IL22RA2: variants seen among roughly 807,000 people sequenced by gnomAD.
IL22RA2 encodes interleukin-22 receptor subunit alpha-2.
Under a neutral mutation model 30.7 loss-of-function variants are expected in IL22RA2, and 39 were observed. The observed-to-expected ratio is 1.27, with a 90% CI of 0.98 to 1.66. The LOEUF (loss-of-function observed/expected upper bound fraction) is 1.66. Ranked by LOEUF, IL22RA2 falls within the 40% of genes most tolerant of loss-of-function variation. The pLI is 0.00. For synonymous variants in IL22RA2, 103 were observed against 105.0 expected (o/e 0.98, Z 0.11); for missense variants, 315 against 312.7 (o/e 1.01, Z -0.05).
At chr6:137,156,937 T>C (rs180706843) in intron 3 of IL22RA2, 83 bp from the exon 4 acceptor site, 15 of 1,545,792 alleles carry the variant, frequency 9.7e-6, no homozygotes, top group East Asian at 2.3e-5. Context: ...ACCACTCTCA[T>C]AGAAACATTT....
At chr6:137,149,811 C>A (rs1405695144) in intron 5 of IL22RA2, among the ~76,000 whole-genome samples, 1 of 152,212 alleles carries the variant, frequency 6.6e-6, no homozygotes, top group Non-Finnish European at 1.5e-5. Context: ...CCTGCATGCT[C>A]TTCTTCAATA....
chr6:137,152,286 A>G (rs1382733336), intron 5 of IL22RA2, among the ~76,000 whole-genome samples: 3 of 152,194 alleles, frequency 2.0e-5, no homozygotes, highest in Non-Finnish European at 4.4e-5. Flanking sequence ...TTATAGTAGC[A>G]TTATTCATAA....
chr6:137,151,333 G>A (rs1778287481), intron 5 of IL22RA2, among the ~76,000 whole-genome samples: 1 of 152,126 alleles, frequency 6.6e-6, no homozygotes, highest in African/African-American at 2.4e-5. Flanking sequence ...TTCAACAAAT[G>A]GTGCTGGGAC....
At position 137,161,832 on chromosome 6, in the gene IL22RA2, AG is replaced by A; in HGVS notation, c.-65-19del. The A allele has an allele frequency of 9.6e-7, 1 of 1,039,124 alleles. No homozygotes were observed. The highest frequency in any genetic ancestry group is 1.5e-6 in the Non-Finnish European group (1 of 676,392). 64.4% of individuals were successfully genotyped at this position (1,039,124 alleles called of 1,614,324 possible). On this transcript the variant is annotated intron_variant, in intron 1 of 6. Transcript: ENST00000296980. Reference sequence around the variant, plus strand: ...AGAGGAAACTGTAAAATCCACAAACAGACAATCACTCCCGGGTTTAAGGCAG... The same window carrying A: ...AGAGGAAACTGTAAAATCCACAAACAACAATCACTCCCGGGTTTAAGGCAG...
chr6:137,152,646 C>T (rs1778313390), intron 5 of IL22RA2, among the ~76,000 whole-genome samples: 1 of 152,096 alleles, frequency 6.6e-6, no homozygotes, highest in African/African-American at 2.4e-5. Context: ...GATGGTTGTA[C>T]ATATTTGTGA....
Position 137,151,247 on chromosome 6 carries a change from G to A in IL22RA2, c.473-3356C>T, listed in dbSNP as rs28385778. Among the ~76,000 whole-genome samples the A allele has an allele frequency of 8.3e-3, 1,264 of 152,324 alleles. 30 individuals are homozygous for A. The highest frequency in any genetic ancestry group is 0.029 in the African/African-American group (1,196 of 41,570). On this transcript the variant is annotated intron_variant, in intron 5 of 6. Transcript: ENST00000296980. ...GTATAGCTCAATAGAATAGAATTGAGAGTCTGGAAATAAACTACACGTCTA... is the reference window on the plus strand; with the variant it reads ...GTATAGCTCAATAGAATAGAATTGAAAGTCTGGAAATAAACTACACGTCTA...
At chr6:137,158,201 G>T in intron 3 of IL22RA2, 146 bp downstream of exon 3, 1 of 891,236 alleles carries the variant, frequency 1.1e-6, no homozygotes, top group Non-Finnish European at 1.7e-6. Flanking sequence ...GCCTTCAGGG[G>T]AGACAAGTCA....
intron 1 of IL22RA2, among the ~76,000 whole-genome samples, chr6:137,172,518 T>G (rs1778760977): frequency 1.3e-5 from 2 of 152,346 alleles, no homozygotes; most frequent in South Asian, 4.1e-4. Context: ...AGCAGAAGAA[T>G]TTGTACAGAA....
chr6:137,162,336 A>G (rs1484380084), intron 1 of IL22RA2, among the ~76,000 whole-genome samples: 1 of 152,028 alleles, frequency 6.6e-6, no homozygotes, highest in Non-Finnish European at 1.5e-5. Context: ...ATACCCTTCC[A>G]CTGCATCTGG....
intron 1 of IL22RA2, among the ~76,000 whole-genome samples, chr6:137,170,398 G>A (rs1778709361): frequency 6.6e-6 from 1 of 152,128 alleles, no homozygotes; most frequent in Middle Eastern, 3.2e-3. Context: ...TCTCTCTGTG[G>A]ACAGTGGACC....
intron 4 of IL22RA2, among the ~76,000 whole-genome samples, chr6:137,155,456 G>T (rs1168741213): frequency 6.6e-6 from 1 of 151,606 alleles, no homozygotes; most frequent in Non-Finnish European, 1.5e-5. Flanking sequence ...AGAGACTTAA[G>T]GTGACAGAGG....
intron 2 of IL22RA2, 79 bp downstream of exon 2, chr6:137,161,609 AC>A: frequency 8.5e-7 from 1 of 1,170,186 alleles, no homozygotes; most frequent in Non-Finnish European, 1.3e-6. Flanking sequence ...TCAAAAAAGC[AC>A]CAGTGCCATT....
intron 1 of IL22RA2, among the ~76,000 whole-genome samples, chr6:137,163,871 G>C (rs541506637): frequency 1.3e-5 from 2 of 152,168 alleles, no homozygotes; most frequent in Non-Finnish European, 2.9e-5. Context: ...TTGATGTGGG[G>C]AGGCACAGAT....
chr6:137,168,891 G>T (rs1778678686), intron 1 of IL22RA2, among the ~76,000 whole-genome samples: 1 of 152,158 alleles, frequency 6.6e-6, no homozygotes, highest in African/African-American at 2.4e-5. Flanking sequence ...ATCTTTCAAT[G>T]AACACTTTAA....
At chr6:137,166,856 T>C (rs1353219916) in intron 1 of IL22RA2, among the ~76,000 whole-genome samples, 4 of 152,380 alleles carry the variant, frequency 2.6e-5, no homozygotes, top group Non-Finnish European at 1.5e-5. Context: ...TTATGAGTAA[T>C]GTTTAACTTG....
At chr6:137,154,655 A>AT in intron 5 of IL22RA2, among the ~76,000 whole-genome samples, 1 of 151,688 alleles carries the variant, frequency 6.6e-6, no homozygotes, top group Non-Finnish European at 1.5e-5. Context: ...AAGGTGACAA[A>AT]TTGATGGAGT....
intron 1 of IL22RA2, among the ~76,000 whole-genome samples, chr6:137,168,533 A>C (rs997866541): frequency 4.6e-5 from 7 of 152,236 alleles, no homozygotes; most frequent in African/African-American, 1.7e-4. Flanking sequence ...GACAAGAAAG[A>C]GTCAGCAGCA....
intron 5 of IL22RA2, among the ~76,000 whole-genome samples, chr6:137,151,600 G>C (rs1228554870): frequency 6.6e-6 from 1 of 152,170 alleles, no homozygotes; most frequent in African/African-American, 2.4e-5. Context: ...ATACCATCAA[G>C]AAAGTAAAAA....
At chr6:137,147,373 TAATAAATAAATAAATA>T (rs10680789) in intron 6 of IL22RA2, among the ~76,000 whole-genome samples, 12 of 145,836 alleles carry the variant, frequency 8.2e-5, no homozygotes, top group Non-Finnish European at 1.0e-4. Flanking sequence ...ATAAAATACA[TAATAAATAAATAAATA>T]AATAAATAAA....
Sources: gnomAD v4.1 joint callset for allele counts (sites outside exome capture counted in the v4.1 genomes callset) on GRCh38, gnomAD v4.1.1 for gene constraint, MANE v1.5 for transcripts, NCBI Gene and HGNC (gene_info 2026-07-23, HGNC 2026-07-21) for gene names.